PTK2B: variants seen among roughly 807,000 people sequenced by gnomAD.
PTK2B encodes protein tyrosine kinase 2 beta.
A neutral mutation model predicts 142.9 loss-of-function variants in PTK2B; 71 were observed. The observed-to-expected ratio is 0.50, with a 90% CI of 0.41 to 0.61. The LOEUF (loss-of-function observed/expected upper bound fraction) is 0.61. Ranked by LOEUF, PTK2B falls within the 20% of genes least tolerant of loss-of-function variation. The pLI is 0.00. For missense variants in PTK2B, 1,105 were observed against 1,320.4 expected (o/e 0.84, Z 2.53); for synonymous variants, 519 against 503.4 (o/e 1.03, Z -0.42).
intron 3 of PTK2B, among the ~76,000 whole-genome samples, chr8:27,318,229 T>C (rs1803134084): frequency 6.6e-6 from 1 of 152,216 alleles, no homozygotes; most frequent in Non-Finnish European, 1.5e-5. Flanking sequence ...TAACAATGCA[T>C]TTGCCTGCAG....
At position 27,454,054 on chromosome 8, in the gene PTK2B, G is replaced by T; in HGVS notation, c.2596-100G>T. On this transcript the variant is annotated intron_variant, in intron 28 of 30. Coordinates refer to ENST00000346049, the MANE Select transcript of PTK2B (RefSeq NM_173176.3). ...CTAAAGAAGAGTCCTTTCCAATCGG[G>T]CTGGTGGTGGAGTTGGCCACAGTGG... The T allele has an allele frequency of 2.7e-6, 4 of 1,485,154 alleles. No individual in the cohort carries two copies. In the South Asian group the frequency reaches 4.6e-5, roughly 17 times the overall value. The allele number at this position is 1,485,154 out of a possible 1,614,324, so 92.0% of individuals were successfully genotyped here.
chr8:27,443,492 G>A (rs1200622772), intron 22 of PTK2B, among the ~76,000 whole-genome samples: 1 of 152,198 alleles, frequency 6.6e-6, no homozygotes, highest in African/African-American at 2.4e-5. Context: ...AGTTCTGGAG[G>A]CTGGGAAGTC....
chr8:27,404,836 G>T (rs1389534661), intron 2 of PTK2B, among the ~76,000 whole-genome samples: 6 of 152,108 alleles, frequency 3.9e-5, no homozygotes, highest in African/African-American at 9.7e-5. Flanking sequence ...GGATATTTAT[G>T]TCCCCTCACC....
intron 3 of PTK2B, 28 bp downstream of exon 3, chr8:27,420,101 G>T: frequency 6.2e-7 from 1 of 1,611,332 alleles, no homozygotes; most frequent in Non-Finnish European, 8.5e-7. Context: ...GGCTCTGGAA[G>T]TGGGAAGGAG....
chr8:27,329,206 G>A lies in PTK2B; in HGVS notation c.-38+3525G>A, dbSNP rs80019681. Among the ~76,000 whole-genome samples the A allele has an allele frequency of 4.9e-4, 74 of 152,272 alleles. No homozygotes were observed. The East Asian group carries it at 0.011, about 23-fold the overall frequency. ...CTGCCTCAGCCTCCCAAAGTGCTAG[G>A]ATTACAGGTGTGAGCCACCGCGTCT... On this transcript the variant is annotated intron_variant, in intron 1 of 30. Transcript: ENST00000346049.
At chr8:27,398,773 C>G (rs1808212142) in intron 2 of PTK2B, among the ~76,000 whole-genome samples, 1 of 152,196 alleles carries the variant, frequency 6.6e-6, no homozygotes, top group Non-Finnish European at 1.5e-5. Context: ...GCCAGTGTCC[C>G]TAAACTCCAT....
intron 1 of PTK2B, among the ~76,000 whole-genome samples, chr8:27,339,511 G>T (rs768900898): frequency 7.9e-5 from 12 of 152,208 alleles, no homozygotes; most frequent in Non-Finnish European, 1.5e-4. Flanking sequence ...TGGGGTAAGA[G>T]AGAGAAAGAG....
chr8:27,346,216 A>T (rs1320444003), intron 1 of PTK2B, among the ~76,000 whole-genome samples: 2 of 152,220 alleles, frequency 1.3e-5, no homozygotes, highest in African/African-American at 4.8e-5. Context: ...ATGTGGATTC[A>T]TGTTTTCACT....
intron 2 of PTK2B, among the ~76,000 whole-genome samples, chr8:27,408,165 A>G (rs115377556): frequency 0.012 from 1,799 of 151,266 alleles, 38 homozygotes; most frequent in African/African-American, 0.041. Flanking sequence ...AGAAACTAGG[A>G]TTGTCTTCCC....
intron 2 of PTK2B, among the ~76,000 whole-genome samples, chr8:27,403,550 T>C (rs1161695978): frequency 6.6e-6 from 1 of 152,236 alleles, no homozygotes; most frequent in African/African-American, 2.4e-5. Context: ...GATTTTCTAT[T>C]TCCTTTTTGT....
At chr8:27,434,227 T>G in intron 12 of PTK2B, 95 bp downstream of exon 12, 1 of 1,470,338 alleles carries the variant, frequency 6.8e-7, no homozygotes, top group Non-Finnish European at 9.4e-7. Flanking sequence ...CTCCATAGTT[T>G]CTGGCTTTCA....
chr8:27,443,558 A>G (rs1413990245), intron 22 of PTK2B, among the ~76,000 whole-genome samples: 1 of 152,148 alleles, frequency 6.6e-6, no homozygotes, highest in African/African-American at 2.4e-5. Context: ...ACAGACAACC[A>G]CCTTCTCACT....
intron 1 of PTK2B, among the ~76,000 whole-genome samples, chr8:27,361,214 G>C (rs1167382482): frequency 6.6e-6 from 1 of 151,562 alleles, no homozygotes; most frequent in African/African-American, 2.4e-5. Context: ...TTTCTTTTTT[G>C]TTTCCTTTTT....
At position 27,454,141 on chromosome 8, in the gene PTK2B, G is replaced by T; in HGVS notation, c.2596-13G>T. The T allele has an allele frequency of 6.2e-7, 1 of 1,613,878 alleles. No individual in the cohort carries two copies. ...TCTCCCCAACTCACTGGCCACCTGC[G>T]TCTTCCCCTCAGTCCATCCAGCCCA... On this transcript the variant is annotated splice_polypyrimidine_tract_variant and intron_variant, in intron 28 of 30. Transcript: ENST00000346049.
At chr8:27,435,857 T>C in intron 14 of PTK2B, 64 bp downstream of exon 14, 1 of 1,536,606 alleles carries the variant, frequency 6.5e-7, no homozygotes, top group Non-Finnish European at 9.0e-7. Context: ...TGGCAAGGAC[T>C]CTGGTGACAC....
chr8:27,437,207 G>A lies in PTK2B; in HGVS notation c.1426+1G>A. 1 of 1,613,550 alleles carries A rather than the reference G, an allele frequency of 6.2e-7. No individual in the cohort carries two copies. The highest frequency in any genetic ancestry group is 1.1e-5 in the South Asian group (1 of 91,072). On this transcript the variant is annotated splice_donor_variant, in intron 16 of 30. Coordinates refer to ENST00000346049, the MANE Select transcript of PTK2B (RefSeq NM_173176.3). LOFTEE classifies it high-confidence loss of function. ...AAGGAGAAGTTCATGAGCGAGGCAG[G>A]TAGGGACCCCTGAGACCAACCAGGC...
upstream of PTK2B, among the ~76,000 whole-genome samples, chr8:27,324,205 C>T (rs1368102408): frequency 6.6e-6 from 1 of 152,220 alleles, no homozygotes; most frequent in Non-Finnish European, 1.5e-5. Flanking sequence ...GCCTCTCCAT[C>T]CCTGGCCAAG....
intron 2 of PTK2B, among the ~76,000 whole-genome samples, chr8:27,398,475 AT>A (rs1441873692): frequency 2.6e-5 from 4 of 152,254 alleles, no homozygotes; most frequent in Admixed American, 2.6e-4. Context: ...AATTTCAGTC[AT>A]CTACATTTAT....
At chr8:27,395,169 A>G (rs1466309520) in intron 1 of PTK2B, among the ~76,000 whole-genome samples, 2 of 152,190 alleles carry the variant, frequency 1.3e-5, no homozygotes, top group Non-Finnish European at 2.9e-5. Flanking sequence ...ATCATTATCA[A>G]GTGTTATGTA....
Sources: gnomAD v4.1 joint callset for allele counts (sites outside exome capture counted in the v4.1 genomes callset) on GRCh38, gnomAD v4.1.1 for gene constraint, MANE v1.5 for transcripts, NCBI Gene and HGNC (gene_info 2026-07-23, HGNC 2026-07-21) for gene names.